The following NR3C2 variants were observed in gnomAD, a reference collection of about 807,000 sequenced individuals.
NR3C2 encodes mineralocorticoid receptor.
Under a neutral mutation model 86.4 loss-of-function variants are expected in NR3C2, and 15 were observed. That is an observed-to-expected ratio of 0.17 (90% CI 0.12 to 0.27). NR3C2 has a LOEUF of 0.27. Ranked by LOEUF, NR3C2 falls within the 10% of genes least tolerant of loss-of-function variation. The pLI, the probability that NR3C2 is intolerant of heterozygous loss-of-function variation, is 1.00. For missense variants in NR3C2, 960 were observed against 1,195.6 expected (o/e 0.80, Z 2.91); for synonymous variants, 458 against 450.5 (o/e 1.02, Z -0.21).
intron 2 of NR3C2, among the ~76,000 whole-genome samples, chr4:148,387,473 CAT>C (rs1747323378): frequency 1.3e-5 from 2 of 152,176 alleles, no homozygotes; most frequent in African/African-American, 4.8e-5. Context: ...GGATATATCA[CAT>C]GTTAATGGAT....
At chr4:148,165,152 A>C (rs1299531338) in intron 4 of NR3C2, among the ~76,000 whole-genome samples, 1 of 152,256 alleles carries the variant, frequency 6.6e-6, no homozygotes, top group East Asian at 1.9e-4. Context: ...TATTTAAACT[A>C]TAATACATGT....
At chr4:148,345,672 G>T (rs1440983170) in intron 2 of NR3C2, among the ~76,000 whole-genome samples, 1 of 151,798 alleles carries the variant, frequency 6.6e-6, no homozygotes, top group Non-Finnish European at 1.5e-5. Context: ...TCAAGCAGAA[G>T]CTGCGATGTT....
intron 3 of NR3C2, among the ~76,000 whole-genome samples, chr4:148,243,902 A>G (rs947041664): frequency 1.9e-4 from 29 of 152,328 alleles, no homozygotes; most frequent in African/African-American, 6.5e-4. Context: ...TAATTTCTGC[A>G]TCTGAAAAGC....
chr4:148,131,001 T>G (rs1371204172), intron 6 of NR3C2, among the ~76,000 whole-genome samples: 1 of 151,900 alleles, frequency 6.6e-6, no homozygotes, highest in East Asian at 1.9e-4. Flanking sequence ...TGGCTAATTT[T>G]TTTTGTATTT....
At chr4:148,158,964 A>G (rs1270630290) in intron 4 of NR3C2, among the ~76,000 whole-genome samples, 3 of 152,238 alleles carry the variant, frequency 2.0e-5, no homozygotes, top group South Asian at 2.1e-4. Context: ...GGTAATAAAT[A>G]TCTCCAGTGT....
intron 6 of NR3C2, among the ~76,000 whole-genome samples, chr4:148,123,109 G>T (rs1732586915): frequency 1.3e-5 from 2 of 152,138 alleles, no homozygotes; most frequent in South Asian, 4.1e-4. Context: ...TTCCTGGGGG[G>T]AGGTCTATAA....
chr4:148,227,331 G>T (rs934155230), intron 3 of NR3C2, among the ~76,000 whole-genome samples: 1 of 152,076 alleles, frequency 6.6e-6, no homozygotes, highest in Non-Finnish European at 1.5e-5. Flanking sequence ...CAAGAGTGAC[G>T]TTCTACCCTT....
chr4:148,193,282 G>A (rs921613398), intron 4 of NR3C2, among the ~76,000 whole-genome samples: 3 of 152,210 alleles, frequency 2.0e-5, no homozygotes, highest in African/African-American at 7.2e-5. Context: ...CAGGAGAGGA[G>A]GGTCTCCCTT....
In NR3C2 at chr4:148,079,755, A is replaced by G. The variant is rs890042799; in HGVS notation, c.*1589T>C. On this transcript the variant is annotated 3_prime_UTR_variant, in exon 9 of 9. Transcript: ENST00000358102. ...AATTTTTCTCCAAAACTGTTTATGT[A>G]TAAAACTTATTTTTAAAACCTACCT... The G allele has an allele frequency of 1.3e-5, 2 of 152,626 alleles. No homozygotes were observed. Among genetic ancestry groups the G allele is most frequent in the Admixed American group, 1.3e-4 (2 of 15,256 alleles). The allele number at this position is 152,626 out of a possible 1,614,324, so 9.5% of individuals were successfully genotyped here.
At chr4:148,276,645 A>G (rs1347500778) in intron 2 of NR3C2, among the ~76,000 whole-genome samples, 1 of 152,174 alleles carries the variant, frequency 6.6e-6, no homozygotes, top group East Asian at 1.9e-4. Flanking sequence ...AGTGGAACTG[A>G]ATGAAAATAG....
intron 2 of NR3C2, among the ~76,000 whole-genome samples, chr4:148,433,872 T>C (rs1015931499): frequency 1.3e-5 from 2 of 152,168 alleles, no homozygotes; most frequent in South Asian, 4.1e-4. Flanking sequence ...GAACTTATAA[T>C]TTAAGAGACA....
At chr4:148,190,138 T>G (rs1314237082) in intron 4 of NR3C2, among the ~76,000 whole-genome samples, 4 of 152,174 alleles carry the variant, frequency 2.6e-5, no homozygotes, top group African/African-American at 9.7e-5. Flanking sequence ...TTAGATTGTT[T>G]GTGTTCTTTC....
chr4:148,340,615 A>G (rs890770656), intron 2 of NR3C2, among the ~76,000 whole-genome samples: 3 of 152,184 alleles, frequency 2.0e-5, no homozygotes, highest in Non-Finnish European at 4.4e-5. Context: ...AACAGGCAAC[A>G]AAAGTAAAAA....
At chr4:148,155,038 G>A (rs1734297520) in intron 4 of NR3C2, 137 bp from the exon 5 acceptor site, 1 of 727,466 alleles carries the variant, frequency 1.4e-6, no homozygotes, top group African/African-American at 1.8e-5. Context: ...TCCACTAAGA[G>A]AAAATATATA....
chr4:148,400,704 G>C lies in NR3C2; in HGVS notation c.1757+34400C>G, dbSNP rs547597008. Among the ~76,000 whole-genome samples the C allele has an allele frequency of 2.0e-5, 3 of 149,136 alleles. No homozygotes were observed. The East Asian group carries it at 6.0e-4, about 30-fold the overall frequency. ...TAGGCAGGAGAACTGCATGAACCTG[G>C]GAGGCGGAGGTTGTGGTGAGCTGAG... On this transcript the variant is annotated intron_variant, in intron 2 of 8. Transcript: ENST00000358102.
chr4:148,427,606 TGTGCCTCG>T (rs1168651041), intron 2 of NR3C2, among the ~76,000 whole-genome samples: 1 of 151,674 alleles, frequency 6.6e-6, no homozygotes, highest in African/African-American at 2.4e-5. Flanking sequence ...CACGGGAGTC[TGTGCCTCG>T]GTGGGATAAG....
intron 2 of NR3C2, among the ~76,000 whole-genome samples, chr4:148,351,141 G>GTCTTT (rs772246009): frequency 2.9e-4 from 44 of 151,986 alleles, no homozygotes; most frequent in Admixed American, 8.5e-4. Context: ...AGGCTAATCT[G>GTCTTT]TCTTTTCTTT....
chr4:148,194,892 A>T, intron 3 of NR3C2, 30 bp from the exon 4 acceptor site: 1 of 1,450,168 alleles, frequency 6.9e-7, no homozygotes, highest in Non-Finnish European at 9.6e-7. Flanking sequence ...ATAACTGTTA[A>T]AATAGAGTAC....
At chr4:148,197,592 G>A (rs1378753500) in intron 3 of NR3C2, among the ~76,000 whole-genome samples, 1 of 152,044 alleles carries the variant, frequency 6.6e-6, no homozygotes, top group African/African-American at 2.4e-5. Flanking sequence ...TCTTCTATGG[G>A]TGTTCAAAAA....
Sources: allele counts gnomAD v4.1 joint callset (sites outside exome capture counted in the v4.1 genomes callset), GRCh38; gene constraint gnomAD v4.1.1; transcripts MANE v1.5; gene names NCBI Gene and HGNC (gene_info 2026-07-23, HGNC 2026-07-21).